Variants in PARD3B observed in about 807,000 individuals in gnomAD.
PARD3B encodes the protein partitioning defective 3 homolog B.
In PARD3B, 103 loss-of-function variants were observed where a neutral mutation model predicts 130.2. The ratio of observed to expected loss-of-function variants is 0.79; its 90% CI spans 0.67 to 0.93. The LOEUF (loss-of-function observed/expected upper bound fraction) is 0.93. PARD3B is among the 40% of genes least tolerant of loss of function. The probability of loss-of-function intolerance (pLI) is 0.00; values close to 1 mark genes in which losing one functional copy is unlikely to be tolerated. For synonymous variants in PARD3B, 583 were observed against 553.2 expected, an observed-to-expected ratio of 1.05 and a Z score of -0.76; for missense variants, 1,609 against 1,499.2, an observed-to-expected ratio of 1.07 and a Z score of -1.21.
In PARD3B at chr2:205,577,792, A is replaced by G. The variant is rs114889204; in HGVS notation, c.3260+24389A>G. 2.0e-3 allele frequency among the ~76,000 whole-genome samples: 304 copies of G among 152,248 alleles called. 1 individual carries two copies. Among genetic ancestry groups the G allele is most frequent in the Admixed American group, 5.4e-3 (83 of 15,290 alleles). ...TCTCCCTGCTCTCATCAGATGGTTC[A>G]ATGCAGTTGGTTTTTAAAGCTACCA... On this transcript the variant is annotated intron_variant, in intron 22 of 22. Transcript: ENST00000406610.
chr2:205,539,441 C>A (rs770777073), intron 21 of PARD3B, among the ~76,000 whole-genome samples: 2 of 152,082 alleles, frequency 1.3e-5, no homozygotes, highest in Non-Finnish European at 2.9e-5. Context: ...TCGGTTTAAC[C>A]TTTTAGGTAT....
intron 2 of PARD3B, among the ~76,000 whole-genome samples, chr2:204,745,105 C>T (rs2040159931): frequency 6.6e-6 from 1 of 152,102 alleles, no homozygotes; most frequent in Non-Finnish European, 1.5e-5. Flanking sequence ...GTTCTAGGCT[C>T]ACACTTAGTG....
chr2:205,457,538 A>G (rs1381961281), intron 20 of PARD3B, among the ~76,000 whole-genome samples: 2 of 151,964 alleles, frequency 1.3e-5, no homozygotes, highest in African/African-American at 2.4e-5. Flanking sequence ...TCCTTTCTGA[A>G]TATCTGTGTT....
At chr2:205,515,136 C>T (rs2050742854) in intron 21 of PARD3B, among the ~76,000 whole-genome samples, 1 of 151,918 alleles carries the variant, frequency 6.6e-6, no homozygotes, top group East Asian at 1.9e-4. Context: ...TAATGGCCTC[C>T]AGCTCCATCC....
Position 205,146,210 on chromosome 2 carries a change from T to C in PARD3B, c.1435-12512T>C, listed in dbSNP as rs2033344929. ...CATTCTTGTCCTTGATGTTGTGCTA[T>C]CTTTTAAAGATGTTACATGCAGGTA... is the stretch of plus-strand genomic sequence containing the variant. On this transcript the variant is annotated intron_variant, in intron 10 of 22. Coordinates refer to ENST00000406610, the MANE Select transcript of PARD3B (RefSeq NM_001302769.2). The surrounding 1 kb of genome is among the most constrained non-coding windows in gnomAD (Gnocchi z 4.3). Among the ~76,000 whole-genome samples, 1 of 152,228 alleles carries C rather than the reference T, an allele frequency of 6.6e-6. No individual in the cohort carries two copies. The highest frequency in any genetic ancestry group is 1.5e-5 in the Non-Finnish European group (1 of 68,034).
At chr2:204,755,694 G>C (rs1268474137) in intron 2 of PARD3B, among the ~76,000 whole-genome samples, 2 of 151,790 alleles carry the variant, frequency 1.3e-5, no homozygotes, top group Non-Finnish European at 2.9e-5. Context: ...TCATTTATTT[G>C]TTCATTCAAC....
At chr2:205,431,695 T>G (rs2047343686) in intron 19 of PARD3B, among the ~76,000 whole-genome samples, 1 of 152,066 alleles carries the variant, frequency 6.6e-6, no homozygotes, top group Non-Finnish European at 1.5e-5. Context: ...GGTCTCGATC[T>G]CCTGACCTCG....
At chr2:204,757,376 C>A (rs2040721378) in intron 2 of PARD3B, among the ~76,000 whole-genome samples, 1 of 152,182 alleles carries the variant, frequency 6.6e-6, no homozygotes, top group African/African-American at 2.4e-5. Flanking sequence ...TGCATTCCCA[C>A]CAACAGTGTG....
At chr2:205,362,826 G>T (rs1184281602) in intron 18 of PARD3B, among the ~76,000 whole-genome samples, 1 of 152,182 alleles carries the variant, frequency 6.6e-6, no homozygotes, top group African/African-American at 2.4e-5. Flanking sequence ...TTAGAAGCCG[G>T]CTTGCCTGAC....
At chr2:205,490,167 G>A (rs2049637908) in intron 20 of PARD3B, among the ~76,000 whole-genome samples, 1 of 152,006 alleles carries the variant, frequency 6.6e-6, no homozygotes, top group South Asian at 2.1e-4. Flanking sequence ...CAACGTGCAG[G>A]TTAGTTACAT....
At chr2:205,573,125 C>T (rs1180399312) in intron 22 of PARD3B, among the ~76,000 whole-genome samples, 1 of 152,048 alleles carries the variant, frequency 6.6e-6, no homozygotes, top group Non-Finnish European at 1.5e-5. Flanking sequence ...TAACCACCCC[C>T]ATGATTCGAC....
chr2:204,755,784 T>G (rs1202048373), intron 2 of PARD3B, among the ~76,000 whole-genome samples: 1 of 152,112 alleles, frequency 6.6e-6, no homozygotes, highest in Non-Finnish European at 1.5e-5. Flanking sequence ...CTTACCATCA[T>G]AGAACATATA....
chr2:205,126,670 C>T (rs1179150466), intron 10 of PARD3B, among the ~76,000 whole-genome samples: 4 of 140,246 alleles, frequency 2.9e-5, no homozygotes, highest in East Asian at 2.2e-4. Flanking sequence ...GGCGTGAACC[C>T]GGGAAGCGGA....
rs1324725552 is a variant in PARD3B at position 205,443,997 on chromosome 2, TTG to T, written c.3044+3331_3044+3332del. Among the ~76,000 whole-genome samples, 3 of 152,164 alleles carry T rather than the reference TTG, an allele frequency of 2.0e-5. No individual in the cohort carries two copies. The East Asian group carries it at 5.8e-4, about 29-fold the overall frequency. On this transcript the variant is annotated intron_variant, in intron 20 of 22. Coordinates refer to ENST00000406610, the MANE Select transcript of PARD3B (RefSeq NM_001302769.2). ...CTATAAAATATTGTTCTTTCTTTTT[TTG>T]TGTGTTTGAGTCTCACTCTGTCACC...
chr2:205,098,676 A>G (rs1702553533), intron 4 of PARD3B, among the ~76,000 whole-genome samples: 1 of 152,142 alleles, frequency 6.6e-6, no homozygotes, highest in South Asian at 2.1e-4. Context: ...ATATGAAATG[A>G]TAGCCTGGTA....
chr2:204,900,515 C>G (rs537386294), intron 2 of PARD3B, among the ~76,000 whole-genome samples: 1 of 152,126 alleles, frequency 6.6e-6, no homozygotes, highest in East Asian at 1.9e-4. Context: ...TTTTGAATTC[C>G]TTCTCTGTGT....
At chr2:205,410,104 T>G (rs1345092646) in intron 19 of PARD3B, among the ~76,000 whole-genome samples, 2 of 152,186 alleles carry the variant, frequency 1.3e-5, no homozygotes, top group Non-Finnish European at 2.9e-5. Flanking sequence ...TTTCAGACTT[T>G]GATTTTTCTT....
At position 205,615,480 on chromosome 2, in the gene PARD3B, C is replaced by T. The variant is rs1304559673; in HGVS notation, c.3285C>T (p.Asp1095=). 1 of 1,609,794 alleles carries T rather than the reference C, an allele frequency of 6.2e-7. No homozygotes were observed. Among genetic ancestry groups the T allele is most frequent in the Non-Finnish European group, 8.5e-7 (1 of 1,177,780 alleles). ...GGGGAGGACCCGCAGATCCTGTAGA[C>T]TATCTGCCAGCAGCACCTCGGGGGC... ...LPRGGPADPV[D]YLPAAPRGLY... The change falls in exon 23 of 23, where the codon GAC becomes GAT. Residue 1095 remains aspartate (D), a synonymous_variant. Coordinates refer to ENST00000406610, the MANE Select transcript of PARD3B (RefSeq NM_001302769.2).
At chr2:204,710,642 C>T (rs527625774) in intron 2 of PARD3B, among the ~76,000 whole-genome samples, 55 of 152,202 alleles carry the variant, frequency 3.6e-4, no homozygotes, top group Non-Finnish European at 7.2e-4. Context: ...CCTTCATATT[C>T]TCTAAAGAGT....
Sources: gnomAD v4.1 joint callset for allele counts (sites outside exome capture counted in the v4.1 genomes callset) on GRCh38, gnomAD v4.1.1 for gene constraint, Gnocchi (gnomAD v3.1) non-coding constraint, MANE v1.5 for transcripts, NCBI Gene and HGNC (gene_info 2026-07-23, HGNC 2026-07-21) for gene names.